Variants in ADAMTS2 observed in about 807,000 individuals in gnomAD.
The protein encoded by ADAMTS2 is A disintegrin and metalloproteinase with thrombospondin motifs 2.
ADAMTS2 carries 50 observed loss-of-function variants against 123.0 expected under a neutral mutation model. That is an observed-to-expected ratio of 0.41 (90% CI 0.32 to 0.51). ADAMTS2 has a LOEUF of 0.51. Among genes scored for constraint, ADAMTS2 ranks in the 20% least tolerant of loss-of-function variants. The pLI is 0.35. For missense variants in ADAMTS2, 1,494 were observed against 1,705.2 expected (o/e 0.88, Z 2.18); for synonymous variants, 678 against 695.4 (o/e 0.98, Z 0.39).
chr5:179,196,655 C>T (rs1422499175), intron 4 of ADAMTS2, among the ~76,000 whole-genome samples: 1 of 152,218 alleles, frequency 6.6e-6, no homozygotes, highest in Non-Finnish European at 1.5e-5. Context: ...CACCCACGTG[C>T]ACTGATGTAG....
intron 2 of ADAMTS2, among the ~76,000 whole-genome samples, chr5:179,339,651 C>T (rs956715037): frequency 3.9e-5 from 6 of 152,142 alleles, no homozygotes; most frequent in Non-Finnish European, 7.4e-5. Flanking sequence ...GCCCCGACAC[C>T]CTAGGGAACC....
rs1430609699 is a variant in ADAMTS2 at position 179,228,840 on chromosome 5, T to TC, written c.689-21126dup. ...TGGAGCTAGGAAGCCCGGTGCTCCT[T>TC]CCCAGAGGAGGGAGCCGAAGCTCTG... On this transcript the variant is annotated intron_variant, in intron 3 of 21. Transcript: ENST00000251582. The surrounding 1 kb of genome is among the most constrained non-coding windows in gnomAD (Gnocchi z 5.2). Among the ~76,000 whole-genome samples the TC allele has an allele frequency of 6.6e-6, 1 of 152,214 alleles. No homozygotes were observed. Among genetic ancestry groups the TC allele is most frequent in the Non-Finnish European group, 1.5e-5 (1 of 68,034 alleles).
chr5:179,183,263 G>A (rs1764090011), intron 4 of ADAMTS2, among the ~76,000 whole-genome samples: 1 of 152,208 alleles, frequency 6.6e-6, no homozygotes, highest in Non-Finnish European at 1.5e-5. Context: ...ATTGTCCACA[G>A]TATTGCTTTC....
chr5:179,268,236 A>G (rs114622038), intron 3 of ADAMTS2, among the ~76,000 whole-genome samples: 2,019 of 152,354 alleles, frequency 0.013, 45 homozygotes, highest in African/African-American at 0.043. Context: ...TGGCAAGGCC[A>G]GGGCTGGACA....
At chr5:179,212,451 T>C (rs1432980417) in intron 3 of ADAMTS2, among the ~76,000 whole-genome samples, 42 of 79,788 alleles carry the variant, frequency 5.3e-4, no homozygotes, top group East Asian at 1.2e-3. Context: ...GCCCTGAGGG[T>C]GGGTTCAGTG....
At chr5:179,141,519 T>A (rs1413620399) in intron 10 of ADAMTS2, among the ~76,000 whole-genome samples, 1 of 152,082 alleles carries the variant, frequency 6.6e-6, no homozygotes, top group East Asian at 1.9e-4. Flanking sequence ...CCATTTAAAG[T>A]CTCTGGAAAT....
chr5:179,138,542 C>G (rs35926292), intron 11 of ADAMTS2, among the ~76,000 whole-genome samples: 31,877 of 152,232 alleles, frequency 0.21, 3,777 homozygotes, highest in East Asian at 0.34. Context: ...ACAGCACCAA[C>G]CCACACACTG....
chr5:179,255,142 G>A (rs980261693), intron 3 of ADAMTS2, among the ~76,000 whole-genome samples: 6 of 152,128 alleles, frequency 3.9e-5, no homozygotes, highest in Non-Finnish European at 4.4e-5. Flanking sequence ...ATGAATGAGT[G>A]GGTAGACGAA....
rs888394759 is a variant in ADAMTS2 at position 179,232,835 on chromosome 5, T to C, written c.689-25120A>G. Among the ~76,000 whole-genome samples the C allele has an allele frequency of 4.6e-5, 7 of 152,206 alleles. No individual in the cohort carries two copies. The East Asian group carries it at 1.2e-3, about 25-fold the overall frequency. On this transcript the variant is annotated intron_variant, in intron 3 of 21. Coordinates refer to ENST00000251582, the MANE Select transcript of ADAMTS2 (RefSeq NM_014244.5). ...GCAATTCCCATGTTTGTATACATTC[T>C]TCTTCTGTTTCTTTGGTTAAAGTTT...
chr5:179,246,945 C>T (rs1204268697), intron 3 of ADAMTS2, among the ~76,000 whole-genome samples: 3 of 151,486 alleles, frequency 2.0e-5, no homozygotes, highest in Non-Finnish European at 4.4e-5. Flanking sequence ...TTTCCAGAGT[C>T]TCCACATTCA....
chr5:179,250,151 T>C (rs956722038), intron 3 of ADAMTS2, among the ~76,000 whole-genome samples: 6 of 152,056 alleles, frequency 3.9e-5, no homozygotes, highest in African/African-American at 1.4e-4. Flanking sequence ...CCCTTTGTGA[T>C]CAAAAAATAC....
In ADAMTS2 at chr5:179,312,334, G is replaced by A. The variant is rs1260708729; in HGVS notation, c.534+31433C>T. Among the ~76,000 whole-genome samples the A allele has an allele frequency of 1.3e-5, 2 of 152,140 alleles. No individual in the cohort carries two copies. The highest frequency in any genetic ancestry group is 3.9e-4 in the East Asian group (2 of 5,186). On this transcript the variant is annotated intron_variant, in intron 2 of 21. Transcript: ENST00000251582. The surrounding 1 kb of genome is among the most constrained non-coding windows in gnomAD (Gnocchi z 4.2). ...CCAAGGTGATATATTAGGAAGTGGG[G>A]CCTTTGGGAGGTGATTATGTCACCA... is the stretch of plus-strand genomic sequence containing the variant.
Position 179,311,292 on chromosome 5 carries a change from G to A in ADAMTS2, c.534+32475C>T, listed in dbSNP as rs529256758. 2.8e-3 allele frequency among the ~76,000 whole-genome samples: 428 copies of A among 152,272 alleles called. 2 individuals carry two copies. Among genetic ancestry groups the A allele is most frequent in the African/African-American group, 9.9e-3 (411 of 41,554 alleles). On this transcript the variant is annotated intron_variant, in intron 2 of 21. Coordinates refer to ENST00000251582, the MANE Select transcript of ADAMTS2 (RefSeq NM_014244.5). The stretch of plus-strand genomic sequence containing the variant: ...CTCTGGAAGGGCCTCGTCCAGCTCT[G>A]TCCTGTGCAGGGTCATGCCCCTCCA...
chr5:179,171,644 C>T (rs546108287), intron 5 of ADAMTS2, among the ~76,000 whole-genome samples: 15 of 152,346 alleles, frequency 9.8e-5, no homozygotes, highest in African/African-American at 3.4e-4. Context: ...CCCCTACCCC[C>T]ATCACTGCCT....
intron 2 of ADAMTS2, among the ~76,000 whole-genome samples, chr5:179,280,148 C>T (rs1766850812): frequency 6.6e-6 from 1 of 152,218 alleles, no homozygotes; most frequent in Admixed American, 6.5e-5. Context: ...TTCCCTGGAC[C>T]TGGTTTCAGG....
At chr5:179,184,319 C>T (rs1764115384) in intron 4 of ADAMTS2, among the ~76,000 whole-genome samples, 1 of 152,100 alleles carries the variant, frequency 6.6e-6, no homozygotes, top group Non-Finnish European at 1.5e-5. Context: ...CAAGACCAGC[C>T]TGGCCAACAC....
chr5:179,308,687 T>A lies in ADAMTS2; in HGVS notation c.534+35080A>T, dbSNP rs963882798. 6.6e-6 allele frequency among the ~76,000 whole-genome samples: 1 copy of A among 152,120 alleles called. No homozygotes were observed. Among genetic ancestry groups the A allele is most frequent in the Non-Finnish European group, 1.5e-5 (1 of 68,018 alleles). On this transcript the variant is annotated intron_variant, in intron 2 of 21. Coordinates refer to ENST00000251582, the MANE Select transcript of ADAMTS2 (RefSeq NM_014244.5). This position sits in a 1 kb window ranked among gnomAD's most constrained non-coding sequence, Gnocchi z 6.6. ...AAGGCCTCTCAGAGAAGTGCCTCCT[T>A]CCTAAGGTGGTGTCCCAGCAGATGA... is the stretch of plus-strand genomic sequence containing the variant.
At chr5:179,151,854 G>C (rs1763362202) in intron 10 of ADAMTS2, among the ~76,000 whole-genome samples, 1 of 152,190 alleles carries the variant, frequency 6.6e-6, no homozygotes, top group Non-Finnish European at 1.5e-5. Flanking sequence ...ACCGAAGGCT[G>C]CCAGGACCCC....
intron 10 of ADAMTS2, among the ~76,000 whole-genome samples, chr5:179,142,236 C>T (rs923617418): frequency 3.9e-5 from 6 of 152,170 alleles, no homozygotes. Flanking sequence ...GTCCTAATAG[C>T]AACAAACAAA....
Sources: allele counts gnomAD v4.1 joint callset (sites outside exome capture counted in the v4.1 genomes callset), GRCh38; gene constraint gnomAD v4.1.1; non-coding constraint Gnocchi (gnomAD v3.1); transcripts MANE v1.5; gene names NCBI Gene and HGNC (gene_info 2026-07-23, HGNC 2026-07-21).